TBC1D2B: variants seen among roughly 807,000 people sequenced by gnomAD.
TBC1D2B encodes TBC1 domain family member 2B, also known as TBC1 domain family, member 2B.
TBC1D2B carries 64 observed loss-of-function variants against 100.8 expected under a neutral mutation model. That is an observed-to-expected ratio of 0.64 (90% CI 0.52 to 0.78). TBC1D2B has a LOEUF of 0.78. Ranked by LOEUF, TBC1D2B falls within the 30% of genes least tolerant of loss-of-function variation. TBC1D2B has a pLI of 0.00. For missense variants in TBC1D2B, 1,052 were observed against 1,218.4 expected, an observed-to-expected ratio of 0.86 and a Z score of 2.03; for synonymous variants, 480 against 479.7, an observed-to-expected ratio of 1.00 and a Z score of -0.01.
At chr15:78,072,222 T>G (rs1402644728) in intron 1 of TBC1D2B, among the ~76,000 whole-genome samples, 1 of 152,182 alleles carries the variant, frequency 6.6e-6, no homozygotes, top group Non-Finnish European at 1.5e-5. Flanking sequence ...TTAGGGAGCT[T>G]ACCCTCTGGT....
Position 78,077,435 on chromosome 15 carries a change from G to C in TBC1D2B, c.218C>G (p.Pro73Arg). The C allele has an allele frequency of 6.5e-7, 1 of 1,545,102 alleles. No individual in the cohort carries two copies. Residue 73 changes from proline to arginine, a missense_variant, in exon 1 of 13, where the codon CCG becomes CGG. Physicochemically the swap from Pro to Arg is moderately radical, Grantham distance 103. This residue lies in a region of TBC1D2B where 627 missense variants were observed against 646.1 expected (regional missense o/e 0.97). Transcript: ENST00000300584. ...GTGGCCGAGGGGCAGCGCGTCCTGCGGACTCTTGAAATAGTAAAGGTAGCA... is the reference window on the plus strand; with the variant it reads ...GTGGCCGAGGGGCAGCGCGTCCTGCCGACTCTTGAAATAGTAAAGGTAGCA... ...RRCYLYYFKS[P>R]QDALPLGHLD... is the part of the protein sequence containing the mutation.
At chr15:78,074,826 C>T (rs974877347) in intron 1 of TBC1D2B, among the ~76,000 whole-genome samples, 4 of 152,208 alleles carry the variant, frequency 2.6e-5, no homozygotes, top group Non-Finnish European at 5.9e-5. Flanking sequence ...TGAGAGTAAT[C>T]CACGTTGACA....
intron 6 of TBC1D2B, among the ~76,000 whole-genome samples, chr15:78,021,977 C>T (rs1393507988): frequency 1.3e-5 from 2 of 152,226 alleles, no homozygotes; most frequent in Non-Finnish European, 2.9e-5. Flanking sequence ...ACACGTCTCC[C>T]CCACTGCCAA....
At chr15:78,074,000 G>A (rs1312190796) in intron 1 of TBC1D2B, among the ~76,000 whole-genome samples, 1 of 151,352 alleles carries the variant, frequency 6.6e-6, no homozygotes, top group African/African-American at 2.4e-5. Context: ...TTTTAGAGTC[G>A]GGGTGTTTTT....
intron 8 of TBC1D2B, among the ~76,000 whole-genome samples, chr15:78,015,540 C>A (rs902090657): frequency 2.0e-5 from 3 of 152,248 alleles, no homozygotes; most frequent in Non-Finnish European, 4.4e-5. Flanking sequence ...CAGAAGTTAA[C>A]AGCCACCACG....
chr15:78,024,113 T>C, intron 6 of TBC1D2B, 43 bp downstream of exon 6: 1 of 1,561,450 alleles, frequency 6.4e-7, no homozygotes, highest in Non-Finnish European at 8.7e-7. Context: ...GTGACATCGG[T>C]GGTCTCTCAT....
chr15:78,024,930 G>A (rs1228738105), intron 5 of TBC1D2B, among the ~76,000 whole-genome samples: 2 of 152,176 alleles, frequency 1.3e-5, no homozygotes. Context: ...TCTTTTTAAT[G>A]ACTGTTAAAG....
chr15:78,076,511 G>A (rs1327816617), intron 1 of TBC1D2B, among the ~76,000 whole-genome samples: 1 of 152,138 alleles, frequency 6.6e-6, no homozygotes, highest in African/African-American at 2.4e-5. Context: ...TTGGGAAGCT[G>A]GATGGGGAGG....
chr15:78,066,851 AG>A (rs2073666168), intron 1 of TBC1D2B, among the ~76,000 whole-genome samples: 1 of 152,206 alleles, frequency 6.6e-6, no homozygotes. Context: ...CCCTCTCAAA[AG>A]GGATGCACCA....
In TBC1D2B at chr15:78,077,085, C is replaced by A. The variant is rs2073840332; in HGVS notation, c.360+208G>T. Among the ~76,000 whole-genome samples, 5 of 152,340 alleles carry A rather than the reference C, an allele frequency of 3.3e-5. No homozygotes were observed. The South Asian group carries it at 1.0e-3, about 32-fold the overall frequency. On this transcript the variant is annotated intron_variant, in intron 1 of 12. Coordinates refer to ENST00000300584, the MANE Select transcript of TBC1D2B (RefSeq NM_144572.2). ...AAGGTGTCTGAGAAAGGAGACGGGGCTTGGTAGCCCCAGCGAGACTGGCCT... is the reference window on the plus strand; with the variant it reads ...AAGGTGTCTGAGAAAGGAGACGGGGATTGGTAGCCCCAGCGAGACTGGCCT...
intron 8 of TBC1D2B, among the ~76,000 whole-genome samples, chr15:78,015,063 T>C (rs557784452): frequency 6.6e-5 from 10 of 151,898 alleles, no homozygotes; most frequent in Non-Finnish European, 1.5e-4. Flanking sequence ...TAGCCGGGCG[T>C]GGTGGTGGGC....
At chr15:78,026,935 G>A (rs1001706682) in intron 4 of TBC1D2B, among the ~76,000 whole-genome samples, 2 of 150,866 alleles carry the variant, frequency 1.3e-5, no homozygotes, top group African/African-American at 2.4e-5. Context: ...CGGGAATACC[G>A]TCAGGCCAGG....
chr15:78,041,080 C>T (rs2073085644), intron 3 of TBC1D2B, among the ~76,000 whole-genome samples: 1 of 152,150 alleles, frequency 6.6e-6, no homozygotes, highest in African/African-American at 2.4e-5. Context: ...GTGAAACAAT[C>T]TAAGCATAAA....
chr15:78,008,106 C>T (rs535004102), intron 10 of TBC1D2B, among the ~76,000 whole-genome samples: 28 of 152,324 alleles, frequency 1.8e-4, no homozygotes, highest in Non-Finnish European at 3.8e-4. Context: ...GGGCCACATG[C>T]GAAGGGCCGG....
intron 3 of TBC1D2B, among the ~76,000 whole-genome samples, chr15:78,038,991 T>C (rs191567818): frequency 1.2e-4 from 18 of 152,238 alleles, no homozygotes; most frequent in Admixed American, 3.3e-4. Context: ...CCAGGTGCCA[T>C]TGCACCACTG....
intron 1 of TBC1D2B, among the ~76,000 whole-genome samples, chr15:78,061,633 A>T (rs2073548706): frequency 6.7e-6 from 1 of 149,474 alleles, no homozygotes; most frequent in Non-Finnish European, 1.5e-5. Flanking sequence ...CAACTGGTCA[A>T]ATACCTGGAA....
chr15:78,032,555 C>T (rs796456785), intron 3 of TBC1D2B, among the ~76,000 whole-genome samples: 4 of 150,274 alleles, frequency 2.7e-5, no homozygotes, highest in African/African-American at 9.8e-5. Flanking sequence ...AGAAACAGAC[C>T]AGAAACAACA....
chr15:78,023,036 T>C (rs916653789), intron 6 of TBC1D2B, among the ~76,000 whole-genome samples: 1 of 152,184 alleles, frequency 6.6e-6, no homozygotes, highest in African/African-American at 2.4e-5. Flanking sequence ...TCCGGTGTTT[T>C]TACTTCTGTT....
At chr15:78,076,890 C>T (rs1456256680) in intron 1 of TBC1D2B, among the ~76,000 whole-genome samples, 1 of 152,226 alleles carries the variant, frequency 6.6e-6, no homozygotes, top group East Asian at 1.9e-4. Flanking sequence ...CAGCCCAGAG[C>T]GGTTCACTGA....
Sources: allele counts gnomAD v4.1 joint callset (sites outside exome capture counted in the v4.1 genomes callset), GRCh38; gene constraint gnomAD v4.1.1; regional missense constraint gnomAD v4.1.1; transcripts MANE v1.5; gene names NCBI Gene and HGNC (gene_info 2026-07-23, HGNC 2026-07-21).